RUFY1: variants seen among roughly 807,000 people sequenced by gnomAD.
RUFY1 encodes the protein RUN and FYVE domain containing 1.
In RUFY1, 54 loss-of-function variants were observed where a neutral mutation model predicts 94.6. The observed-to-expected ratio is 0.57, with a 90% confidence interval of 0.46 to 0.72. RUFY1 has a LOEUF of 0.72. Ranked by LOEUF, RUFY1 falls within the 30% of genes least tolerant of loss-of-function variation. RUFY1 has a pLI of 0.00. For missense variants in RUFY1, 883 were observed against 883.9 expected, an observed-to-expected ratio of 1.00 and a Z score of 0.01; for synonymous variants, 396 against 347.3, an observed-to-expected ratio of 1.14 and a Z score of -1.56.
chr5:179,571,481 G>A lies in RUFY1; in HGVS notation c.828+2056G>A, dbSNP rs1763219856. 3.3e-5 allele frequency among the ~76,000 whole-genome samples: 5 copies of A among 149,940 alleles called. No homozygotes were observed. The Admixed American group carries it at 3.3e-4, about 10-fold the overall frequency. Reference sequence around the variant, plus strand: ...GCCACTGCATTGCACTCCAGTCTGGGCAACAGAGCCAGACTCTGTCTGGAA... The same window carrying A: ...GCCACTGCATTGCACTCCAGTCTGGACAACAGAGCCAGACTCTGTCTGGAA... On this transcript the variant is annotated intron_variant, in intron 5 of 17. Coordinates refer to ENST00000319449, the MANE Select transcript of RUFY1 (RefSeq NM_025158.5).
chr5:179,569,256 GT>G (rs767384580), intron 4 of RUFY1, 45 bp from the exon 5 acceptor site: 2 of 1,612,812 alleles, frequency 1.2e-6, no homozygotes, highest in East Asian at 2.2e-5. Context: ...AGTGGGGATG[GT>G]GAAGCTGTTT....
intron 5 of RUFY1, chr5:179,572,464 C>G (rs1763297593): frequency 5.3e-6 from 1 of 188,396 alleles, no homozygotes; most frequent in African/African-American, 2.4e-5. Flanking sequence ...CCCCCACCCG[C>G]TGATGTGACG....
rs752579224 is a variant in RUFY1, at chr5:179,607,532, A to G, written c.1906-50A>G. 8 of 1,537,662 alleles carry G rather than the reference A, an allele frequency of 5.2e-6. No individual in the cohort carries two copies. In the African/African-American group the frequency reaches 6.8e-5, roughly 13 times the overall value. Reference sequence around the variant, plus strand: ...GTGGCCAGAACGCAGCTACCCACTCATCAGGGGCTTAGACAGAAAGTGGAT... The same window carrying G: ...GTGGCCAGAACGCAGCTACCCACTCGTCAGGGGCTTAGACAGAAAGTGGAT... On this transcript the variant is annotated intron_variant, in intron 16 of 17. Transcript: ENST00000319449.
chr5:179,587,105 G>A (rs1337598494), intron 8 of RUFY1, among the ~76,000 whole-genome samples: 2 of 152,142 alleles, frequency 1.3e-5, no homozygotes, highest in African/African-American at 2.4e-5. Flanking sequence ...CCAGGCTGGA[G>A]TGCAGTGGCG....
At chr5:179,604,249 C>T (rs1766786212) in intron 15 of RUFY1, among the ~76,000 whole-genome samples, 1 of 152,174 alleles carries the variant, frequency 6.6e-6, no homozygotes, top group Non-Finnish European at 1.5e-5. Context: ...TCTCTCCCCT[C>T]TTCCCTTCTT....
At chr5:179,567,072 A>G (rs1762884168) in intron 3 of RUFY1, among the ~76,000 whole-genome samples, 2 of 152,188 alleles carry the variant, frequency 1.3e-5, no homozygotes, top group Admixed American at 1.3e-4. Context: ...TAAAAAATAA[A>G]AAATAAAAAG....
intron 7 of RUFY1, among the ~76,000 whole-genome samples, chr5:179,582,736 G>A (rs1764259827): frequency 1.3e-5 from 2 of 152,112 alleles, no homozygotes; most frequent in East Asian, 1.9e-4. Context: ...CCAGTTACTC[G>A]AGAGGCTGAG....
At chr5:179,590,678 G>A (rs113249573) in intron 9 of RUFY1, among the ~76,000 whole-genome samples, 3 of 151,572 alleles carry the variant, frequency 2.0e-5, no homozygotes, top group East Asian at 2.0e-4. Flanking sequence ...TAGTAGAGAC[G>A]GGGTTTCACC....
intron 15 of RUFY1, among the ~76,000 whole-genome samples, chr5:179,605,315 A>G (rs951393451): frequency 7.9e-5 from 12 of 151,824 alleles, no homozygotes; most frequent in Non-Finnish European, 1.3e-4. Context: ...GTTTCCCTCA[A>G]TTGCACAAAC....
rs527697553 is a variant in RUFY1 at position 179,596,313 on chromosome 5, A to G, written c.1512-249A>G. 1.3e-3 allele frequency: 723 copies of G among 577,658 alleles called. 3 individuals are homozygous for G. The highest frequency in any genetic ancestry group is 1.8e-3 in the Non-Finnish European group (580 of 323,152). The allele number at this position is 577,658 out of a possible 1,614,324, so 35.8% of individuals were successfully genotyped here. A position where few individuals can be genotyped will look rare whatever the true frequency, so the allele number is the denominator to read the frequency against. On this transcript the variant is annotated intron_variant, in intron 12 of 17. Coordinates refer to ENST00000319449, the MANE Select transcript of RUFY1 (RefSeq NM_025158.5). ...TAATGTATAATTACATTGAGATTAC[A>G]TTCTCAAAAAGCCAAAGCCATATTG...
At chr5:179,562,472 T>C (rs28510162) in intron 2 of RUFY1, 75 bp from the exon 3 acceptor site, 15 of 797,764 alleles carry the variant, frequency 1.9e-5, no homozygotes, top group Middle Eastern at 2.3e-4. Context: ...TTGGCTTTTG[T>C]GGGGAGAGGC....
intron 10 of RUFY1, among the ~76,000 whole-genome samples, chr5:179,592,887 C>T (rs574893581): frequency 5.3e-5 from 8 of 152,292 alleles, no homozygotes; most frequent in African/African-American, 1.4e-4. Flanking sequence ...AACATGCATT[C>T]TGATCTGTGG....
chr5:179,589,302 A>T (rs2127551961), intron 8 of RUFY1: 1 of 441,592 alleles, frequency 2.3e-6, no homozygotes, highest in East Asian at 4.3e-5. Context: ...TCATTTTTGT[A>T]GAGGGAGAAA....
At chr5:179,598,465 C>T (rs1429855466) in intron 13 of RUFY1, 1 of 574,150 alleles carries the variant, frequency 1.7e-6, no homozygotes, top group Non-Finnish European at 3.1e-6. Flanking sequence ...CTTCCTTCTC[C>T]CCTGCGTAAG....
At position 179,594,871 on chromosome 5, in the gene RUFY1, A is replaced by G. The variant is rs1209512271; in HGVS notation, c.1419A>G (p.Ala473=). Residue 473 remains alanine, a synonymous_variant, in exon 12 of 18, where the codon GCA becomes GCG. Transcript: ENST00000319449. ...NLQMFHKAQN[A]ESSLQQKNEA... is the part of the protein sequence containing the mutation. ...CCCTTCCTTTGCTTTTGTAGAATGC[A>G]GAGAGCAGTTTGCAGCAGAAGAATG... 6.2e-7 allele frequency: 1 copy of G among 1,611,560 alleles called. No individual in the cohort carries two copies. Among genetic ancestry groups the G allele is most frequent in the Non-Finnish European group, 8.5e-7 (1 of 1,178,278 alleles).
At chr5:179,606,082 C>A in intron 16 of RUFY1, 158 bp downstream of exon 16, 1 of 616,144 alleles carries the variant, frequency 1.6e-6, no homozygotes. Flanking sequence ...AGAAACGTGT[C>A]CCTCGGCTGA....
intron 3 of RUFY1, among the ~76,000 whole-genome samples, chr5:179,566,814 G>T (rs1762865282): frequency 1.3e-5 from 2 of 151,980 alleles, no homozygotes; most frequent in African/African-American, 4.8e-5. Flanking sequence ...CCAGCACTTT[G>T]CGAGGCCAAG....
In RUFY1 at chr5:179,558,347, C is replaced by T. The variant is rs1305028454; in HGVS notation, c.311-1678C>T. Among the ~76,000 whole-genome samples, 8 of 152,158 alleles carry T rather than the reference C, an allele frequency of 5.3e-5. No individual in the cohort carries two copies. The South Asian group carries it at 8.3e-4, about 16-fold the overall frequency. On this transcript the variant is annotated intron_variant, in intron 1 of 17. Transcript: ENST00000319449. ...TAGCACTTTGGGATGCCAAGGCGGGCGGATCACCTGAGGTTGGAAGTTCGA... is the reference window on the plus strand; with the variant it reads ...TAGCACTTTGGGATGCCAAGGCGGGTGGATCACCTGAGGTTGGAAGTTCGA...
intron 16 of RUFY1, 155 bp downstream of exon 16, chr5:179,606,079 T>C (rs561295667): frequency 9.7e-6 from 6 of 620,140 alleles, no homozygotes; most frequent in Non-Finnish European, 1.7e-5. Context: ...CTCAGAAACG[T>C]GTCCCTCGGC....
Sources: gnomAD v4.1 joint callset for allele counts (sites outside exome capture counted in the v4.1 genomes callset) on GRCh38, gnomAD v4.1.1 for gene constraint, MANE v1.5 for transcripts, NCBI Gene and HGNC (gene_info 2026-07-23, HGNC 2026-07-21) for gene names.